SGSM3: variants seen among roughly 807,000 people sequenced by gnomAD.
The protein encoded by SGSM3 is small G protein signaling modulator 3.
A neutral mutation model predicts 100.5 loss-of-function variants in SGSM3; 96 were observed. The observed-to-expected ratio is 0.96, with a 90% CI of 0.81 to 1.13. The LOEUF (loss-of-function observed/expected upper bound fraction) is 1.13. Ranked by LOEUF, SGSM3 falls within the 50% of genes most tolerant of loss-of-function variation. SGSM3 has a pLI of 0.00. For missense variants in SGSM3, 1,001 were observed against 1,015.8 expected (o/e 0.99, Z 0.20); for synonymous variants, 483 against 422.8 (o/e 1.14, Z -1.75).
At chr22:40,406,404 C>T (rs2051526312) in intron 9 of SGSM3, 34 bp from the exon 10 acceptor site, 2 of 1,529,396 alleles carry the variant, frequency 1.3e-6, no homozygotes, top group Non-Finnish European at 1.8e-6. Flanking sequence ...GCAATGACAA[C>T]CTTCTTCCCC....
intron 1 of SGSM3, among the ~76,000 whole-genome samples, chr22:40,374,219 TG>T (rs1480623602): frequency 6.6e-6 from 1 of 152,188 alleles, no homozygotes; most frequent in Non-Finnish European, 1.5e-5. Flanking sequence ...CCCAAAGTGC[TG>T]GGATTACAGG....
In SGSM3 at chr22:40,406,518, G is replaced by A. The variant is rs138546324; in HGVS notation, c.1041G>A (p.Ala347=). The change falls in exon 10 of 22, where the codon GCG becomes GCA. Residue 347 remains alanine, a synonymous_variant. Coordinates refer to ENST00000248929, the MANE Select transcript of SGSM3 (RefSeq NM_015705.6). ...ATATCCCGTCGCAGATGGAGGACGC[G>A]GAGCTGCTTCTGGGGGTGGCCATGC... ...LSDIPSQMED[A]ELLLGVAMRL... is the part of the protein sequence containing the mutation. The A allele has an allele frequency of 4.3e-5, 69 of 1,612,790 alleles. No homozygotes were observed. Among genetic ancestry groups the A allele is most frequent in the South Asian group, 1.1e-4 (10 of 91,036 alleles).
rs140962807 is a variant in SGSM3 at position 40,405,471 on chromosome 22, G to A, written c.619-178G>A. Among the ~76,000 whole-genome samples the A allele has an allele frequency of 6.9e-3, 1,048 of 152,296 alleles. 8 individuals carry two copies. The highest frequency in any genetic ancestry group is 0.01 in the Non-Finnish European group (684 of 68,010). On this transcript the variant is annotated intron_variant, in intron 7 of 21. Transcript: ENST00000248929. ...AGCTGCACGTTATGCAAGCAGAGGC[G>A]CTCCCCAAGGGATGTGAAAGTGAGG...
chr22:40,404,094 C>G (rs1054035623), intron 4 of SGSM3, 153 bp from the exon 5 acceptor site: 6 of 564,784 alleles, frequency 1.1e-5, no homozygotes, highest in African/African-American at 3.8e-5. Flanking sequence ...CTGGAGCTGT[C>G]AGAAAGCCAT....
chr22:40,400,446 C>T (rs1278186591), intron 1 of SGSM3, among the ~76,000 whole-genome samples: 1 of 152,010 alleles, frequency 6.6e-6, no homozygotes, highest in African/African-American at 2.4e-5. Context: ...AGTTCGAGAC[C>T]AGCCTGGCCA....
At chr22:40,371,448 CCTTT>C (rs2045459512) in intron 1 of SGSM3, among the ~76,000 whole-genome samples, 1 of 152,108 alleles carries the variant, frequency 6.6e-6, no homozygotes, top group East Asian at 1.9e-4. Flanking sequence ...ATGTTCTACA[CCTTT>C]CTTATTCTTT....
rs367970517 is a variant in SGSM3 at position 40,402,121 on chromosome 22, A to G, written c.91-18A>G. On this transcript the variant is annotated intron_variant, in intron 3 of 21. Coordinates refer to ENST00000248929, the MANE Select transcript of SGSM3 (RefSeq NM_015705.6). ...ACTAGGGGACAGGCAACTGACTTCAACCTCATCCTGATTCTAGAAGGAAGA... is the reference window on the plus strand; with the variant it reads ...ACTAGGGGACAGGCAACTGACTTCAGCCTCATCCTGATTCTAGAAGGAAGA... 71 of 1,609,142 alleles carry G rather than the reference A, an allele frequency of 4.4e-5. No homozygotes were observed. The highest frequency in any genetic ancestry group is 2.5e-4 in the African/African-American group (19 of 74,930).
rs186661921 is a variant in SGSM3, at chr22:40,395,399, G to A, written c.-111-5297G>A. On this transcript the variant is annotated intron_variant, in intron 1 of 21. Transcript: ENST00000248929. ...TGCAGTGGCACGATCTCAGCTCACC[G>A]CAACCTCCACCTCCCAGGCTGAACC... 2.1e-4 allele frequency among the ~76,000 whole-genome samples: 32 copies of A among 150,438 alleles called. No homozygotes were observed. The East Asian group carries it at 5.7e-3, about 27-fold the overall frequency.
intron 1 of SGSM3, among the ~76,000 whole-genome samples, chr22:40,377,922 G>A (rs1203291667): frequency 1.3e-5 from 2 of 151,942 alleles, no homozygotes; most frequent in Non-Finnish European, 2.9e-5. Flanking sequence ...GAAGATGTGG[G>A]TATCTTCAAA....
intron 1 of SGSM3, among the ~76,000 whole-genome samples, chr22:40,381,376 T>TGGGC (rs2047555504): frequency 6.6e-6 from 1 of 152,168 alleles, no homozygotes; most frequent in Non-Finnish European, 1.5e-5. Context: ...CTCAAACTCT[T>TGGGC]GGGCTCAAGT....
At chr22:40,397,937 A>G (rs1179938547) in intron 1 of SGSM3, among the ~76,000 whole-genome samples, 2 of 146,366 alleles carry the variant, frequency 1.4e-5, no homozygotes, top group African/African-American at 2.5e-5. Flanking sequence ...AGTTATCACA[A>G]TCTATTTCTG....
chr22:40,375,970 G>A (rs936966513), intron 1 of SGSM3, among the ~76,000 whole-genome samples: 1 of 151,528 alleles, frequency 6.6e-6, no homozygotes, highest in Non-Finnish European at 1.5e-5. Context: ...GAGCTCAGGA[G>A]ATTGAAGCTG....
intron 1 of SGSM3, chr22:40,390,552 T>C (rs2049217549): frequency 6.6e-6 from 1 of 152,256 alleles, no homozygotes; most frequent in Non-Finnish European, 1.5e-5. Context: ...GTCATTTTGC[T>C]GGCATGTAGG....
intron 1 of SGSM3, among the ~76,000 whole-genome samples, chr22:40,398,708 G>A (rs1395680729): frequency 7.1e-6 from 1 of 141,020 alleles, no homozygotes; most frequent in East Asian, 2.1e-4. Flanking sequence ...TCAATGAGGA[G>A]GGTCCATATA....
At chr22:40,371,202 A>T (rs964632012) in intron 1 of SGSM3, among the ~76,000 whole-genome samples, 1 of 152,248 alleles carries the variant, frequency 6.6e-6, no homozygotes, top group Non-Finnish European at 1.5e-5. Flanking sequence ...GCACGGGGGA[A>T]ACTGAGGCAT....
chr22:40,393,295 T>C (rs2049605084), intron 1 of SGSM3, among the ~76,000 whole-genome samples: 1 of 152,182 alleles, frequency 6.6e-6, no homozygotes, highest in Non-Finnish European at 1.5e-5. Flanking sequence ...TTTTTGTATT[T>C]TTAGTAGAGA....
chr22:40,382,080 C>T (rs1464490402), intron 1 of SGSM3, among the ~76,000 whole-genome samples: 1 of 152,046 alleles, frequency 6.6e-6, no homozygotes, highest in African/African-American at 2.4e-5. Context: ...TAGGGTGTGA[C>T]ACAGAGTAAG....
At chr22:40,398,029 G>A (rs1003812623) in intron 1 of SGSM3, among the ~76,000 whole-genome samples, 2 of 142,970 alleles carry the variant, frequency 1.4e-5, no homozygotes, top group African/African-American at 2.6e-5. Context: ...ATGCAGTGGC[G>A]CCATCTCAAC....
At chr22:40,401,289 T>A (rs1276449908) in intron 2 of SGSM3, among the ~76,000 whole-genome samples, 1 of 152,166 alleles carries the variant, frequency 6.6e-6, no homozygotes, top group Non-Finnish European at 1.5e-5. Flanking sequence ...GTTTCGCTCT[T>A]GTTGCCCAGG....
Sources: allele counts gnomAD v4.1 joint callset (sites outside exome capture counted in the v4.1 genomes callset), GRCh38; gene constraint gnomAD v4.1.1; transcripts MANE v1.5; gene names NCBI Gene and HGNC (gene_info 2026-07-23, HGNC 2026-07-21).